AMZ2: variants seen among roughly 807,000 people sequenced by gnomAD.
AMZ2 encodes archaemetzincin-2.
In AMZ2, 26 loss-of-function variants were observed where a neutral mutation model predicts 36.7. That is an observed-to-expected ratio of 0.71 (90% CI 0.52 to 0.98). AMZ2 has a LOEUF of 0.98. AMZ2 is among the 50% of genes least tolerant of loss of function. The pLI is 0.00. For missense variants in AMZ2, 394 were observed against 430.5 expected (o/e 0.92, Z 0.75); for synonymous variants, 144 against 149.1 (o/e 0.97, Z 0.25).
upstream of AMZ2, among the ~76,000 whole-genome samples, chr17:68,245,380 G>A (rs560892240): frequency 2.0e-5 from 3 of 151,434 alleles, no homozygotes; most frequent in Non-Finnish European, 4.4e-5. Flanking sequence ...TGAGACTACA[G>A]GCATGTGTCA....
upstream of AMZ2, chr17:68,248,008 T>C: frequency 1.0e-6 from 1 of 985,910 alleles, no homozygotes; most frequent in Non-Finnish European, 1.2e-6. Flanking sequence ...GCGCGTGGCG[T>C]AAGGGGCGTG....
upstream of AMZ2, among the ~76,000 whole-genome samples, chr17:68,244,777 AAAAC>A (rs2073967660): frequency 6.6e-6 from 1 of 152,236 alleles, no homozygotes; most frequent in Admixed American, 6.5e-5. Flanking sequence ...AAATTATTTC[AAAAC>A]AAACAGCTTG....
At chr17:68,251,447 T>G (rs1555739807) in intron 4 of AMZ2, 1 of 331,018 alleles carries the variant, frequency 3.0e-6, no homozygotes, top group Non-Finnish European at 5.6e-6. Flanking sequence ...TGCCTGTACA[T>G]AAAAAGTGTG....
chr17:68,239,595 C>T (rs1275350294), intron 1 of AMZ2, among the ~76,000 whole-genome samples: 1 of 152,176 alleles, frequency 6.6e-6, no homozygotes, highest in African/African-American at 2.4e-5. Flanking sequence ...AATTCACACA[C>T]ACATTAGTGG....
chr17:68,218,436 G>A (rs1555727838), intron 1 of AMZ2, among the ~76,000 whole-genome samples: 1 of 152,036 alleles, frequency 6.6e-6, no homozygotes, highest in Non-Finnish European at 1.5e-5. Context: ...CGATCCTCCA[G>A]CCTTGGCCTC....
intron 4 of AMZ2, among the ~76,000 whole-genome samples, chr17:68,253,178 G>A (rs550835365): frequency 3.9e-4 from 59 of 152,330 alleles, no homozygotes; most frequent in African/African-American, 1.4e-3. Flanking sequence ...TGGCCAGAGG[G>A]GGTTACTTGT....
chr17:68,210,842 T>G (rs1164330770), intron 1 of AMZ2, among the ~76,000 whole-genome samples: 1 of 149,850 alleles, frequency 6.7e-6, no homozygotes, highest in East Asian at 2.0e-4. Flanking sequence ...TAGTTACTTG[T>G]GAGACTGAGG....
Position 68,209,632 on chromosome 17 carries a change from A to ATTT in AMZ2, c.-67+3407_-67+3409dup, listed in dbSNP as rs1224207690. On this transcript the variant is annotated intron_variant, in intron 1 of 7. Coordinates refer to the AMZ2 transcript ENST00000674770. ...TATGTATATATATATATATATATATATTTTTTTTTTTTTTTATACAGAGTC... is the reference window on the plus strand; with the variant it reads ...TATGTATATATATATATATATATATATTTTTTTTTTTTTTTTTTATACAGAGTC... 1.3e-3 allele frequency among the ~76,000 whole-genome samples: 119 copies of ATTT among 90,650 alleles called. 1 individual carries two copies. Among genetic ancestry groups the ATTT allele is most frequent in the Admixed American group, 4.6e-3 (37 of 8,080 alleles). 59.5% of individuals were successfully genotyped at this position (90,650 alleles called of 152,430 possible). A position where few individuals can be genotyped will look rare whatever the true frequency, so the allele number is the denominator to read the frequency against.
At chr17:68,221,896 A>G (rs2073377688) in intron 1 of AMZ2, among the ~76,000 whole-genome samples, 1 of 152,190 alleles carries the variant, frequency 6.6e-6, no homozygotes, top group African/African-American at 2.4e-5. Context: ...ATCTCAAAGA[A>G]AAAGAAAAAC....
At chr17:68,247,953 G>T, upstream of AMZ2, 3 of 984,748 alleles carry the variant, frequency 3.0e-6, no homozygotes, top group Non-Finnish European at 3.6e-6. Flanking sequence ...TGGGTGGGTC[G>T]TGAGTTGGGC....
intron 1 of AMZ2, among the ~76,000 whole-genome samples, chr17:68,225,396 G>A (rs1156509054): frequency 6.6e-6 from 1 of 152,132 alleles, no homozygotes; most frequent in Non-Finnish European, 1.5e-5. Context: ...CCCCACCCGT[G>A]TGGTTGGCTG....
chr17:68,255,947 T>C (rs1468490694), intron 6 of AMZ2, 71 bp downstream of exon 6: 81 of 1,470,980 alleles, frequency 5.5e-5, no homozygotes, highest in Non-Finnish European at 6.6e-5. Flanking sequence ...GTTTCTATTA[T>C]ATCCTTCTCT....
intron 2 of AMZ2, 107 bp downstream of exon 2, chr17:68,250,577 T>C: frequency 7.0e-7 from 1 of 1,419,540 alleles, no homozygotes; most frequent in Non-Finnish European, 9.5e-7. Context: ...TAGGATCGTT[T>C]TTGATATTCA....
chr17:68,254,096 G>A (rs1555741350), intron 4 of AMZ2, among the ~76,000 whole-genome samples: 2 of 152,114 alleles, frequency 1.3e-5, no homozygotes, highest in African/African-American at 4.8e-5. Context: ...TGGAGTACTT[G>A]CTACTTTCAG....
At chr17:68,220,884 G>T (rs2073334787) in intron 1 of AMZ2, among the ~76,000 whole-genome samples, 2 of 150,118 alleles carry the variant, frequency 1.3e-5, no homozygotes, top group South Asian at 4.2e-4. Flanking sequence ...CTGGGTTCAA[G>T]CGATTCCCCT....
At chr17:68,253,191 TAAAG>T (rs1185044991) in intron 4 of AMZ2, among the ~76,000 whole-genome samples, 1 of 152,226 alleles carries the variant, frequency 6.6e-6, no homozygotes, top group Non-Finnish European at 1.5e-5. Flanking sequence ...TTACTTGTGA[TAAAG>T]GAATAGATTT....
intron 1 of AMZ2, among the ~76,000 whole-genome samples, chr17:68,224,330 G>A (rs139668520): frequency 6.4e-4 from 98 of 152,198 alleles, no homozygotes; most frequent in African/African-American, 2.2e-3. Context: ...TTCTGTGATC[G>A]GTAAACAAGA....
At chr17:68,209,335 A>C (rs2144454876) in intron 1 of AMZ2, among the ~76,000 whole-genome samples, 1 of 151,844 alleles carries the variant, frequency 6.6e-6, no homozygotes, top group East Asian at 1.9e-4. Flanking sequence ...CTGGGATTAC[A>C]GGCGCCCATC....
At position 68,248,505 on chromosome 17, in the gene AMZ2, C is replaced by T; in HGVS notation, c.-201C>T. The T allele has an allele frequency of 1.0e-6, 1 of 986,082 alleles. No homozygotes were observed. Among genetic ancestry groups the T allele is most frequent in the Non-Finnish European group, 1.2e-6 (1 of 830,056 alleles). 61.1% of individuals were successfully genotyped at this position (986,082 alleles called of 1,614,324 possible). On this transcript the variant is annotated 5_prime_UTR_variant, in exon 1 of 7. Transcript: ENST00000359904. ...TAGGCCTCCAGCCCACTGCAGTGAC[C>T]GAATTCTGCGCCCCCTGCCCATCTT...
Sources: gnomAD v4.1 joint callset for allele counts (sites outside exome capture counted in the v4.1 genomes callset) on GRCh38, gnomAD v4.1.1 for gene constraint, MANE v1.5 for transcripts, NCBI Gene and HGNC (gene_info 2026-07-23, HGNC 2026-07-21) for gene names.